Variants in LRRC4C observed in about 807,000 individuals in gnomAD.
LRRC4C encodes leucine rich repeat containing 4C.
A neutral mutation model predicts 33.6 loss-of-function variants in LRRC4C; 5 were observed. That is an observed-to-expected ratio of 0.15 (90% CI 0.08 to 0.31). The LOEUF is 0.31. LRRC4C is among the 10% of genes least tolerant of loss of function. LRRC4C has a pLI of 1.00. For missense variants in LRRC4C, 560 were observed against 796.7 expected, an observed-to-expected ratio of 0.70 and a Z score of 3.58; for synonymous variants, 329 against 302.0, an observed-to-expected ratio of 1.09 and a Z score of -0.93.
intron 3 of LRRC4C, among the ~76,000 whole-genome samples, chr11:40,418,555 T>C (rs1346671837): frequency 6.6e-6 from 1 of 152,210 alleles, no homozygotes; most frequent in East Asian, 1.9e-4. Flanking sequence ...ACTGTGGTGA[T>C]TCCTCAAAGA....
chr11:41,457,688 T>G (rs745379949), intron 1 of LRRC4C, among the ~76,000 whole-genome samples: 44 of 152,138 alleles, frequency 2.9e-4, no homozygotes, highest in Non-Finnish European at 5.7e-4. Context: ...GGGTAACAGA[T>G]AAAAATATCA....
intron 4 of LRRC4C, among the ~76,000 whole-genome samples, chr11:40,266,418 G>C (rs977904961): frequency 6.6e-6 from 1 of 152,158 alleles, no homozygotes; most frequent in African/African-American, 2.4e-5. Flanking sequence ...AGTGAGTCTT[G>C]ATTGTGCCAC....
intron 5 of LRRC4C, among the ~76,000 whole-genome samples, chr11:40,194,381 C>A (rs1205377974): frequency 1.3e-5 from 2 of 152,140 alleles, no homozygotes; most frequent in East Asian, 1.9e-4. Flanking sequence ...GAAATAAAAT[C>A]TTTTCCAGAC....
intron 1 of LRRC4C, among the ~76,000 whole-genome samples, chr11:41,304,441 T>G (rs1218036027): frequency 2.7e-4 from 10 of 37,572 alleles, no homozygotes; most frequent in African/African-American, 4.2e-4. Flanking sequence ...GTCTGGGAGG[T>G]GAGGGGCGCC....
chr11:41,430,328 T>G (rs965268577), intron 1 of LRRC4C, among the ~76,000 whole-genome samples: 1 of 152,126 alleles, frequency 6.6e-6, no homozygotes, highest in African/African-American at 2.4e-5. Context: ...GCCTCCAGAA[T>G]TGAAAATACT....
At chr11:41,123,737 A>T (rs1942594448) in intron 1 of LRRC4C, among the ~76,000 whole-genome samples, 1 of 152,138 alleles carries the variant, frequency 6.6e-6, no homozygotes, top group Non-Finnish European at 1.5e-5. Context: ...GAATCACTCC[A>T]GATTTCCTCT....
chr11:40,968,325 T>C (rs530687789), intron 1 of LRRC4C, among the ~76,000 whole-genome samples: 1 of 152,134 alleles, frequency 6.6e-6, no homozygotes, highest in Non-Finnish European at 1.5e-5. Flanking sequence ...AAAGAAGCTA[T>C]TTCTGTATCA....
rs563390493 is a variant in LRRC4C, at chr11:41,081,958, G to A, written c.-495-148235C>T. Among the ~76,000 whole-genome samples, 649 of 152,262 alleles carry A rather than the reference G, an allele frequency of 4.3e-3. 1 individual carries two copies. Among genetic ancestry groups the A allele is most frequent in the Middle Eastern group, 0.024 (7 of 294 alleles). ...TACAGTCGGGGTCTCCCTATGGGCA[G>A]CTGCTTCATCAGTGCTCATTGAATT... On this transcript the variant is annotated intron_variant, in intron 1 of 6. Transcript: ENST00000528697.
chr11:40,400,105 A>G (rs1949703358), intron 3 of LRRC4C, among the ~76,000 whole-genome samples: 1 of 152,112 alleles, frequency 6.6e-6, no homozygotes, highest in African/African-American at 2.4e-5. Context: ...GACTTCCTCA[A>G]TAGGTTGAGA....
chr11:40,816,569 A>C (rs978078029), intron 2 of LRRC4C, among the ~76,000 whole-genome samples: 5 of 152,160 alleles, frequency 3.3e-5, no homozygotes. Flanking sequence ...TGTTAATAAG[A>C]TAGTTACTGT....
chr11:41,386,110 T>C (rs1182111033), intron 1 of LRRC4C, among the ~76,000 whole-genome samples: 3 of 151,694 alleles, frequency 2.0e-5, no homozygotes, highest in Non-Finnish European at 4.4e-5. Context: ...ATATAATGTA[T>C]GTATATATAT....
intron 2 of LRRC4C, among the ~76,000 whole-genome samples, chr11:40,911,260 C>A (rs566610187): frequency 1.3e-5 from 2 of 152,180 alleles, no homozygotes; most frequent in Non-Finnish European, 2.9e-5. Flanking sequence ...CAAGAGGGTC[C>A]CTGAACCCCG....
chr11:41,211,756 G>A (rs1258067757), intron 1 of LRRC4C, among the ~76,000 whole-genome samples: 1 of 152,142 alleles, frequency 6.6e-6, no homozygotes, highest in Non-Finnish European at 1.5e-5. Flanking sequence ...TTGGTTCCAA[G>A]TCTTTGCTAT....
chr11:40,170,571 A>G (rs1214852840), intron 5 of LRRC4C, among the ~76,000 whole-genome samples: 1 of 152,190 alleles, frequency 6.6e-6, no homozygotes, highest in Non-Finnish European at 1.5e-5. Flanking sequence ...AGTGAGATGG[A>G]GAATGGAAGA....
At chr11:40,605,289 C>T (rs1272784922) in intron 3 of LRRC4C, among the ~76,000 whole-genome samples, 1 of 152,016 alleles carries the variant, frequency 6.6e-6, no homozygotes, top group African/African-American at 2.4e-5. Flanking sequence ...TTAATTTTAA[C>T]TGCAGGAATA....
intron 3 of LRRC4C, among the ~76,000 whole-genome samples, chr11:40,334,383 G>A (rs939165474): frequency 6.6e-6 from 1 of 151,898 alleles, no homozygotes; most frequent in African/African-American, 2.4e-5. Flanking sequence ...GTAGGCTAGA[G>A]TTTGAGAAGG....
chr11:41,341,891 G>A (rs887577097), intron 1 of LRRC4C, among the ~76,000 whole-genome samples: 5 of 152,094 alleles, frequency 3.3e-5, no homozygotes, highest in Admixed American at 6.5e-5. Flanking sequence ...GGTAACTCAC[G>A]TTTTGATTAG....
At chr11:40,694,818 G>A (rs1345242506) in intron 2 of LRRC4C, among the ~76,000 whole-genome samples, 2 of 152,116 alleles carry the variant, frequency 1.3e-5, no homozygotes, top group African/African-American at 2.4e-5. Flanking sequence ...CTTGTTTCTA[G>A]GAATAAGATG....
intron 3 of LRRC4C, among the ~76,000 whole-genome samples, chr11:40,422,700 A>G (rs1456531745): frequency 6.6e-6 from 1 of 151,952 alleles, no homozygotes; most frequent in East Asian, 1.9e-4. Context: ...TACAAAAAAA[A>G]AAAGCAAATT....
Sources: gnomAD v4.1 joint callset for allele counts (sites outside exome capture counted in the v4.1 genomes callset) on GRCh38, gnomAD v4.1.1 for gene constraint, MANE v1.5 for transcripts, NCBI Gene and HGNC (gene_info 2026-07-23, HGNC 2026-07-21) for gene names.